Variants in GNAI3 observed in about 807,000 individuals in gnomAD.
The protein encoded by GNAI3 is guanine nucleotide-binding protein G(i) subunit alpha-3.
In GNAI3, 12 loss-of-function variants were observed where a neutral mutation model predicts 41.8. That is an observed-to-expected ratio of 0.29 (90% CI 0.18 to 0.47). The LOEUF (loss-of-function observed/expected upper bound fraction) is 0.47, where lower values mean the gene tolerates loss of function less well. GNAI3 is among the 20% of genes least tolerant of loss of function. GNAI3 has a pLI of 1.00. For missense variants in GNAI3, 360 were observed against 429.6 expected (o/e 0.84, Z 1.43); for synonymous variants, 132 against 146.5 (o/e 0.90, Z 0.71).
rs1649391827 is a variant in GNAI3, at chr1:109,599,390, A to T, written c.*7068A>T. On this transcript the variant is annotated 3_prime_UTR_variant, in exon 9 of 9. Transcript: ENST00000369851. ...GAAACTCTGTACCTGTTAAACAGTA[A>T]CTCCCCATGCCCCACCTTCTTTCAG... 6.6e-6 allele frequency: 1 copy of T among 152,556 alleles called. No individual in the cohort carries two copies. Among genetic ancestry groups the T allele is most frequent in the Admixed American group, 6.5e-5 (1 of 15,348 alleles). The allele number at this position is 152,556 out of a possible 1,614,324, so 9.5% of individuals were successfully genotyped here.
chr1:109,570,958 C>T (rs1648582611), intron 1 of GNAI3, among the ~76,000 whole-genome samples: 1 of 152,134 alleles, frequency 6.6e-6, no homozygotes, highest in African/African-American at 2.4e-5. Context: ...GTGATCTAGG[C>T]CTATGGTTTC....
In GNAI3 at chr1:109,599,275, T is replaced by C. The variant is rs906259632; in HGVS notation, c.*6953T>C. On this transcript the variant is annotated 3_prime_UTR_variant, in exon 9 of 9. Coordinates refer to ENST00000369851, the MANE Select transcript of GNAI3 (RefSeq NM_006496.4). The stretch of plus-strand genomic sequence containing the variant: ...ATATAACAAAATTTGCCATCTTAAG[T>C]GTACAGTTCAGTGGCATTAAGTACA... 2.4e-4 allele frequency: 45 copies of C among 190,618 alleles called. No homozygotes were observed. The highest frequency in any genetic ancestry group is 1.1e-3 in the African/African-American group (45 of 42,134). 11.8% of individuals were successfully genotyped at this position (190,618 alleles called of 1,614,324 possible). A position where few individuals can be genotyped will look rare whatever the true frequency, so the allele number is the denominator to read the frequency against.
At position 109,599,031 on chromosome 1, in the gene GNAI3, A is replaced by C. The variant is rs1649384205; in HGVS notation, c.*6709A>C. On this transcript the variant is annotated 3_prime_UTR_variant, in exon 9 of 9. Transcript: ENST00000369851. ...TGGGTTTTGAATGCTGTTATGTCTCACCGTGGGGATGGGAAGGAATACTCT... is the reference window on the plus strand; with the variant it reads ...TGGGTTTTGAATGCTGTTATGTCTCCCCGTGGGGATGGGAAGGAATACTCT... 1.9e-6 allele frequency: 1 copy of C among 520,390 alleles called. No homozygotes were observed. The highest frequency in any genetic ancestry group is 1.9e-5 in the African/African-American group (1 of 51,800). 32.2% of individuals were successfully genotyped at this position (520,390 alleles called of 1,614,324 possible). A position where few individuals can be genotyped will look rare whatever the true frequency, so the allele number is the denominator to read the frequency against.
chr1:109,577,015 GTTT>G (rs5776987), intron 3 of GNAI3, among the ~76,000 whole-genome samples: 7 of 144,144 alleles, frequency 4.9e-5, no homozygotes, highest in African/African-American at 1.0e-4. Context: ...GTTTTTTTCT[GTTT>G]TTTTTTTTTT....
At chr1:109,564,224 G>A (rs1192584873) in intron 1 of GNAI3, among the ~76,000 whole-genome samples, 1 of 151,818 alleles carries the variant, frequency 6.6e-6, no homozygotes, top group Non-Finnish European at 1.5e-5. Context: ...TCTCTTTTTT[G>A]TCTGTTTCTG....
intron 7 of GNAI3, among the ~76,000 whole-genome samples, chr1:109,588,238 TG>T (rs1649083154): frequency 6.6e-6 from 1 of 151,706 alleles, no homozygotes; most frequent in African/African-American, 2.4e-5. Flanking sequence ...AAAAATTAGT[TG>T]GGCTTGGTGG....
Position 109,599,430 on chromosome 1 carries a change from C to T in GNAI3, c.*7108C>T, listed in dbSNP as rs1397597926. 2 of 152,398 alleles carry T rather than the reference C, an allele frequency of 1.3e-5. No homozygotes were observed. Among genetic ancestry groups the T allele is most frequent in the South Asian group, 4.1e-4 (2 of 4,846 alleles). 9.4% of individuals were successfully genotyped at this position (152,398 alleles called of 1,614,324 possible). ...CCTTCTTTCAGCCCCTGGTAACCAG[C>T]ATTTTCCTTTGTCTCTATGAATTTG... is the stretch of plus-strand genomic sequence containing the variant. On this transcript the variant is annotated 3_prime_UTR_variant, in exon 9 of 9. Coordinates refer to ENST00000369851, the MANE Select transcript of GNAI3 (RefSeq NM_006496.4).
At chr1:109,573,574 G>A (rs1648661812) in intron 1 of GNAI3, among the ~76,000 whole-genome samples, 163 bp from the exon 2 acceptor site, 2 of 152,160 alleles carry the variant, frequency 1.3e-5, no homozygotes, top group South Asian at 4.1e-4. Context: ...GCAAAATGCT[G>A]TAGTGGAGAA....
At chr1:109,585,263 A>G (rs1015297766) in intron 5 of GNAI3, among the ~76,000 whole-genome samples, 4 of 152,222 alleles carry the variant, frequency 2.6e-5, no homozygotes, top group Non-Finnish European at 4.4e-5. Context: ...AGCAGTGCAG[A>G]TCTTTTTACT....
At chr1:109,581,097 T>C (rs1648877664) in intron 4 of GNAI3, among the ~76,000 whole-genome samples, 1 of 152,186 alleles carries the variant, frequency 6.6e-6, no homozygotes, top group African/African-American at 2.4e-5. Flanking sequence ...AGCTTGCCTC[T>C]TTACATTAGT....
In GNAI3 at chr1:109,598,838, C is replaced by T. The variant is rs1649377328; in HGVS notation, c.*6516C>T. ...CTAGCAGGACCACCAGAGGCTCTGT[C>T]ACACTTGCAGTCCCTGGCCCAACAC... On this transcript the variant is annotated 3_prime_UTR_variant, in exon 9 of 9. Coordinates refer to ENST00000369851, the MANE Select transcript of GNAI3 (RefSeq NM_006496.4). 1.9e-6 allele frequency: 1 copy of T among 527,886 alleles called. No individual in the cohort carries two copies. The highest frequency in any genetic ancestry group is 3.9e-6 in the Non-Finnish European group (1 of 254,656). 32.7% of individuals were successfully genotyped at this position (527,886 alleles called of 1,614,324 possible). A position where few individuals can be genotyped will look rare whatever the true frequency, so the allele number is the denominator to read the frequency against.
chr1:109,589,762 T>G (rs923553509), intron 7 of GNAI3, among the ~76,000 whole-genome samples: 2 of 152,086 alleles, frequency 1.3e-5, no homozygotes, highest in Non-Finnish European at 2.9e-5. Context: ...ATATCCAAAA[T>G]AGGGCAATTT....
intron 1 of GNAI3, among the ~76,000 whole-genome samples, chr1:109,562,781 G>A (rs1159684383): frequency 6.6e-6 from 1 of 152,090 alleles, no homozygotes; most frequent in African/African-American, 2.4e-5. Flanking sequence ...GCCCTAGGTA[G>A]GGAGGAATAT....
At chr1:109,573,081 A>G (rs1175009094) in intron 1 of GNAI3, among the ~76,000 whole-genome samples, 1 of 152,154 alleles carries the variant, frequency 6.6e-6, no homozygotes, top group Non-Finnish European at 1.5e-5. Context: ...AGGTGGTGTG[A>G]TATAGGCATC....
rs148121779 is a variant in GNAI3 at position 109,583,481 on chromosome 1, C to T, written c.590+916C>T. ...TCTCCCACCTCAGCCTCTCAAAGTG[C>T]TGGGATTGCAGGTGTGAGCCACCGT... On this transcript the variant is annotated intron_variant, in intron 5 of 8. Coordinates refer to ENST00000369851, the MANE Select transcript of GNAI3 (RefSeq NM_006496.4). 5.6e-3 allele frequency among the ~76,000 whole-genome samples: 858 copies of T among 152,292 alleles called. 8 individuals carry two copies. The highest frequency in any genetic ancestry group is 0.02 in the African/African-American group (837 of 41,548).
intron 1 of GNAI3, among the ~76,000 whole-genome samples, chr1:109,573,315 T>C (rs1304453902): frequency 6.6e-6 from 1 of 152,166 alleles, no homozygotes; most frequent in Non-Finnish European, 1.5e-5. Context: ...GTAGTATTGC[T>C]CTCAGAACAT....
chr1:109,560,905 A>C (rs1648294781), intron 1 of GNAI3, among the ~76,000 whole-genome samples: 1 of 152,186 alleles, frequency 6.6e-6, no homozygotes, highest in African/African-American at 2.4e-5. Context: ...GGATCTTGTA[A>C]GTTATTGAAG....
chr1:109,591,552 A>AAATT, intron 7 of GNAI3: 1 of 707,396 alleles, frequency 1.4e-6, no homozygotes, highest in Non-Finnish European at 2.5e-6. Context: ...GGAACGCTTC[A>AAATT]CGAATTTGCG....
chr1:109,598,817 C>T lies in GNAI3; in HGVS notation c.*6495C>T. 1 of 513,852 alleles carries T rather than the reference C, an allele frequency of 1.9e-6. No homozygotes were observed. The highest frequency in any genetic ancestry group is 4.1e-6 in the Non-Finnish European group (1 of 243,770). The allele number at this position is 513,852 out of a possible 1,614,324, so 31.8% of individuals were successfully genotyped here. On this transcript the variant is annotated 3_prime_UTR_variant, in exon 9 of 9. Coordinates refer to ENST00000369851, the MANE Select transcript of GNAI3 (RefSeq NM_006496.4). ...GAAATGTTTTCATGCTTTTACCTAGCAGGACCACCAGAGGCTCTGTCACAC... is the reference window on the plus strand; with the variant it reads ...GAAATGTTTTCATGCTTTTACCTAGTAGGACCACCAGAGGCTCTGTCACAC...
Sources: gnomAD v4.1 joint callset for allele counts (sites outside exome capture counted in the v4.1 genomes callset) on GRCh38, gnomAD v4.1.1 for gene constraint, MANE v1.5 for transcripts, NCBI Gene and HGNC (gene_info 2026-07-23, HGNC 2026-07-21) for gene names.